Variants in TNIK observed in about 807,000 individuals in gnomAD.
TNIK encodes TRAF2 and NCK-interacting protein kinase.
In TNIK, 49 loss-of-function variants were observed where a neutral mutation model predicts 191.3. That is an observed-to-expected ratio of 0.26 (90% CI 0.20 to 0.32). TNIK has a LOEUF of 0.32. Ranked by LOEUF, TNIK falls within the 10% of genes least tolerant of loss-of-function variation. The probability of loss-of-function intolerance (pLI) is 1.00; values close to 1 mark genes in which losing one functional copy is unlikely to be tolerated. For synonymous variants in TNIK, 594 were observed against 600.9 expected (o/e 0.99, Z 0.17); for missense variants, 1,155 against 1,702.3 (o/e 0.68, Z 5.66).
intron 23 of TNIK, among the ~76,000 whole-genome samples, chr3:171,090,587 C>T (rs1020514210): frequency 3.3e-5 from 5 of 152,034 alleles, no homozygotes; most frequent in African/African-American, 1.2e-4. Context: ...TCCATGGAGT[C>T]CCAGTAGAGG....
At chr3:171,327,900 TAAAAAAAAAAAAAAAAAAAAAAAA>T (rs71634497) in intron 2 of TNIK, among the ~76,000 whole-genome samples, 63 of 79,634 alleles carry the variant, frequency 7.9e-4, no homozygotes, top group African/African-American at 2.5e-3. Context: ...ACCTGGCTCA[TAAAAAAAAAAAAAAAAAAAAAAAA>T]AAAAAAATCA....
chr3:171,340,279 A>G (rs1281289472), intron 2 of TNIK, among the ~76,000 whole-genome samples: 1 of 152,222 alleles, frequency 6.6e-6, no homozygotes, highest in Non-Finnish European at 1.5e-5. Context: ...ATATTTCTAC[A>G]TTTCCACAAT....
At chr3:171,195,517 A>C (rs1738574420) in intron 4 of TNIK, among the ~76,000 whole-genome samples, 1 of 152,220 alleles carries the variant, frequency 6.6e-6, no homozygotes, top group Middle Eastern at 3.2e-3. Context: ...GAGCCACAAT[A>C]AAACCACATT....
intron 22 of TNIK, among the ~76,000 whole-genome samples, chr3:171,096,755 T>TA (rs2108431156): frequency 6.6e-6 from 1 of 152,264 alleles, no homozygotes; most frequent in East Asian, 1.9e-4. Context: ...CAGATCTCAT[T>TA]AATGTTGGTA....
At position 171,093,486 on chromosome 3, in the gene TNIK, C is replaced by G. The variant is rs188173958; in HGVS notation, c.2721+353G>C. On this transcript the variant is annotated intron_variant, in intron 23 of 32. Transcript: ENST00000436636. ...AAAACCATGGGGAGAAGAGACATAA[C>G]AAGGCCAGTGATGCTATTCAGAGAG... is the stretch of plus-strand genomic sequence containing the variant. Among the ~76,000 whole-genome samples the G allele has an allele frequency of 2.0e-5, 3 of 152,282 alleles. No homozygotes were observed. In the East Asian group the frequency reaches 5.8e-4, roughly 29 times the overall value.
intron 18 of TNIK, among the ~76,000 whole-genome samples, chr3:171,121,564 A>G (rs1239302406): frequency 6.6e-6 from 1 of 152,252 alleles, no homozygotes; most frequent in African/African-American, 2.4e-5. Context: ...CAGCAGAACC[A>G]TCTGCTCAGT....
Position 171,221,959 on chromosome 3 carries a change from C to T in TNIK, c.180+6206G>A, listed in dbSNP as rs889609910. On this transcript the variant is annotated intron_variant, in intron 3 of 32. Coordinates refer to ENST00000436636, the MANE Select transcript of TNIK (RefSeq NM_015028.4). ...TTTCATTCCTATTGTCTGTCTTATT[C>T]AGTGATTCAATGTACCTTACTGGCA... 3.9e-5 allele frequency among the ~76,000 whole-genome samples: 6 copies of T among 152,234 alleles called. No individual in the cohort carries two copies. The South Asian group carries it at 1.2e-3, about 32-fold the overall frequency.
chr3:171,131,996 C>G (rs1729372204), intron 15 of TNIK, among the ~76,000 whole-genome samples: 1 of 152,192 alleles, frequency 6.6e-6, no homozygotes, highest in Admixed American at 6.5e-5. Context: ...CCTCTCCCAT[C>G]TAGAAGAAAG....
At chr3:171,386,719 C>T (rs1017459849) in intron 1 of TNIK, among the ~76,000 whole-genome samples, 3 of 152,078 alleles carry the variant, frequency 2.0e-5, no homozygotes, top group East Asian at 1.9e-4. Context: ...AAAGTAATAA[C>T]ATAAAAAAGG....
intron 2 of TNIK, among the ~76,000 whole-genome samples, chr3:171,328,762 T>C (rs570856669): frequency 1.3e-5 from 2 of 152,304 alleles, no homozygotes; most frequent in African/African-American, 4.8e-5. Context: ...CCCCACCCTC[T>C]CCAGTGTGGG....
chr3:171,406,034 T>G (rs1721626043), intron 1 of TNIK, among the ~76,000 whole-genome samples: 1 of 152,330 alleles, frequency 6.6e-6, no homozygotes, highest in East Asian at 1.9e-4. Flanking sequence ...GTGGCCTATA[T>G]TCTATGATAA....
chr3:171,113,743 G>T (rs959815404), intron 18 of TNIK, among the ~76,000 whole-genome samples: 14 of 151,874 alleles, frequency 9.2e-5, no homozygotes, highest in Admixed American at 5.2e-4. Context: ...CATTCACTCA[G>T]TTATTCTATA....
intron 2 of TNIK, among the ~76,000 whole-genome samples, chr3:171,253,489 C>A (rs2109092594): frequency 6.6e-6 from 1 of 151,906 alleles, no homozygotes; most frequent in African/African-American, 2.4e-5. Context: ...TGCTCCTCTG[C>A]CTCCCAACCC....
intron 23 of TNIK, 106 bp from the exon 24 acceptor site, chr3:171,087,612 C>T: frequency 1.6e-6 from 2 of 1,231,664 alleles, no homozygotes; most frequent in Non-Finnish European, 2.3e-6. Context: ...AATCAACCCA[C>T]TAGGGCATGA....
At chr3:171,345,394 TG>T (rs1472393212) in intron 2 of TNIK, among the ~76,000 whole-genome samples, 1 of 152,124 alleles carries the variant, frequency 6.6e-6, no homozygotes, top group African/African-American at 2.4e-5. Context: ...GGCTGCCACT[TG>T]ACAAAGAGCA....
At chr3:171,076,942 C>T (rs752419255) in intron 28 of TNIK, among the ~76,000 whole-genome samples, 3 of 151,678 alleles carry the variant, frequency 2.0e-5, no homozygotes, top group Non-Finnish European at 2.9e-5. Flanking sequence ...TATGCACACA[C>T]GATTTACTTC....
At chr3:171,282,341 G>GTT (rs869305605) in intron 2 of TNIK, among the ~76,000 whole-genome samples, 18 of 79,952 alleles carry the variant, frequency 2.3e-4, no homozygotes, top group African/African-American at 3.1e-4. Flanking sequence ...ATGGTTTTTT[G>GTT]TTTTTTTTTT....
Position 171,422,505 on chromosome 3 carries a change from T to G in TNIK, c.57+37502A>C, listed in dbSNP as rs138106421. Among the ~76,000 whole-genome samples, 96 of 152,320 alleles carry G rather than the reference T, an allele frequency of 6.3e-4. No homozygotes were observed. In the East Asian group the frequency reaches 0.013, roughly 21 times the overall value. On this transcript the variant is annotated intron_variant, in intron 1 of 32. Coordinates refer to ENST00000436636, the MANE Select transcript of TNIK (RefSeq NM_015028.4). ...CAGTTTTAACTCAATTTATTAATTT[T>G]ATTTTTTAAACTCTACTTTCTCAAA...
intron 2 of TNIK, among the ~76,000 whole-genome samples, chr3:171,336,145 T>C (rs1478858465): frequency 2.6e-5 from 4 of 152,190 alleles, no homozygotes; most frequent in African/African-American, 9.6e-5. Context: ...CTCCAACATA[T>C]TTTGACTGAT....
Sources: allele counts gnomAD v4.1 joint callset (sites outside exome capture counted in the v4.1 genomes callset), GRCh38; gene constraint gnomAD v4.1.1; transcripts MANE v1.5; gene names NCBI Gene and HGNC (gene_info 2026-07-23, HGNC 2026-07-21).